The following POC1A variants were observed in gnomAD, a reference collection of about 807,000 sequenced individuals.
The protein encoded by POC1A is POC1 centriolar protein homolog A.
In POC1A, 34 loss-of-function variants were observed where a neutral mutation model predicts 47.8. The ratio of observed to expected loss-of-function variants is 0.71; its 90% confidence interval spans 0.54 to 0.95. POC1A has a LOEUF of 0.95. Ranked by LOEUF, POC1A falls within the 40% of genes least tolerant of loss-of-function variation. The pLI, the probability that POC1A is intolerant of heterozygous loss-of-function variation, is 0.00. For missense variants in POC1A, 466 were observed against 528.3 expected (o/e 0.88, Z 1.16); for synonymous variants, 177 against 207.6 (o/e 0.85, Z 1.27).
At chr3:52,127,707 T>A (rs1704061433) in intron 7 of POC1A, among the ~76,000 whole-genome samples, 1 of 151,758 alleles carries the variant, frequency 6.6e-6, no homozygotes, top group Non-Finnish European at 1.5e-5. Flanking sequence ...ACCTTTTTTT[T>A]TTTTTTGAGA....
chr3:52,147,830 CTT>C (rs1415201352), intron 4 of POC1A, among the ~76,000 whole-genome samples: 2 of 152,112 alleles, frequency 1.3e-5, no homozygotes, highest in African/African-American at 2.4e-5. Context: ...TCCTGTTGCT[CTT>C]GTTTTCGTTT....
chr3:52,151,610 CA>C (rs575884047), intron 1 of POC1A, among the ~76,000 whole-genome samples: 2,175 of 55,854 alleles, frequency 0.039, 29 homozygotes, highest in African/African-American at 0.12. Context: ...GACTCCGTCT[CA>C]AAAAAAAAAA....
At chr3:52,132,736 C>G (rs1407989425) in intron 7 of POC1A, among the ~76,000 whole-genome samples, 1 of 152,154 alleles carries the variant, frequency 6.6e-6, no homozygotes, top group Non-Finnish European at 1.5e-5. Context: ...TTGTCCCCAA[C>G]AAAATTGATA....
At chr3:52,092,651 T>A (rs985718746) in intron 10 of POC1A, among the ~76,000 whole-genome samples, 1 of 152,154 alleles carries the variant, frequency 6.6e-6, no homozygotes, top group Non-Finnish European at 1.5e-5. Flanking sequence ...CTGAGGACTT[T>A]TCATCTAAAA....
intron 9 of POC1A, among the ~76,000 whole-genome samples, chr3:52,106,862 C>T (rs1346213781): frequency 6.6e-6 from 1 of 152,258 alleles, no homozygotes; most frequent in Non-Finnish European, 1.5e-5. Flanking sequence ...AATCTGCTGA[C>T]TCCCCAGCCT....
chr3:52,141,806 C>A (rs1698202624), intron 6 of POC1A, among the ~76,000 whole-genome samples: 1 of 151,680 alleles, frequency 6.6e-6, no homozygotes, highest in Admixed American at 6.6e-5. Context: ...CTGGGAAATA[C>A]AGTGAGACCC....
chr3:52,123,769 T>C (rs1703890052), intron 8 of POC1A, among the ~76,000 whole-genome samples: 1 of 152,212 alleles, frequency 6.6e-6, no homozygotes, highest in African/African-American at 2.4e-5. Context: ...ACAGGAAGCC[T>C]GGGAGCTGAT....
chr3:52,077,050 T>TG (rs1419960630), intron 10 of POC1A, among the ~76,000 whole-genome samples: 4 of 152,250 alleles, frequency 2.6e-5, no homozygotes, highest in African/African-American at 9.6e-5. Context: ...ACTCATCACT[T>TG]GCGCGGGTTG....
At chr3:52,107,436 C>T (rs1346934223) in intron 9 of POC1A, among the ~76,000 whole-genome samples, 2 of 152,244 alleles carry the variant, frequency 1.3e-5, no homozygotes, top group African/African-American at 4.8e-5. Context: ...TCAGAAACCA[C>T]CACACAGGCA....
intron 9 of POC1A, among the ~76,000 whole-genome samples, chr3:52,120,950 G>A (rs886618008): frequency 2.0e-5 from 3 of 152,324 alleles, no homozygotes; most frequent in East Asian, 3.9e-4. Flanking sequence ...ACTCCCAAGC[G>A]GCAGATGTCA....
At position 52,125,294 on chromosome 3, in the gene POC1A, A is replaced by G. The variant is rs1030666785; in HGVS notation, c.814-113T>C. 4.4e-5 allele frequency: 35 copies of G among 798,296 alleles called. No individual in the cohort carries two copies. The African/African-American group carries it at 4.9e-4, about 11-fold the overall frequency. 49.5% of individuals were successfully genotyped at this position (798,296 alleles called of 1,614,324 possible). A position where few individuals can be genotyped will look rare whatever the true frequency, so the allele number is the denominator to read the frequency against. ...AGCAGCAGCAGGATAAAGGACCGAG[A>G]GCCCACTCAGCCCACAGTCCTCCGT... is the stretch of plus-strand genomic sequence containing the variant. On this transcript the variant is annotated intron_variant, in intron 7 of 10. Transcript: ENST00000296484.
intron 10 of POC1A, among the ~76,000 whole-genome samples, chr3:52,081,332 C>T (rs891884966): frequency 6.6e-6 from 1 of 152,150 alleles, no homozygotes; most frequent in African/African-American, 2.4e-5. Context: ...ATTTGCTGAC[C>T]CTTGCCCTCG....
chr3:52,134,583 G>A (rs1330273848), intron 7 of POC1A, among the ~76,000 whole-genome samples: 7 of 152,182 alleles, frequency 4.6e-5, no homozygotes, highest in Admixed American at 4.6e-4. Flanking sequence ...AGTGAGCTGA[G>A]ATCGCACCAC....
chr3:52,094,626 C>G (rs141870268), intron 10 of POC1A, among the ~76,000 whole-genome samples: 229 of 152,400 alleles, frequency 1.5e-3, no homozygotes, highest in African/African-American at 5.3e-3. Flanking sequence ...AAGGCCTCAA[C>G]TGGTGCTTCA....
intron 7 of POC1A, among the ~76,000 whole-genome samples, chr3:52,133,721 C>T (rs894799825): frequency 6.6e-6 from 1 of 152,170 alleles, no homozygotes; most frequent in Non-Finnish European, 1.5e-5. Context: ...AACAGCACTG[C>T]ACCCTGACCC....
intron 10 of POC1A, among the ~76,000 whole-genome samples, chr3:52,087,581 C>T (rs1052111777): frequency 6.6e-6 from 1 of 152,184 alleles, no homozygotes; most frequent in East Asian, 1.9e-4. Flanking sequence ...TCGGGAAGTA[C>T]ACGAAACACT....
intron 10 of POC1A, among the ~76,000 whole-genome samples, chr3:52,091,236 ATC>A (rs1460148281): frequency 6.6e-6 from 1 of 151,852 alleles, no homozygotes; most frequent in East Asian, 1.9e-4. Flanking sequence ...GAGGCGTGCG[ATC>A]TCTCAGTGGG....
chr3:52,109,694 G>A (rs1484158014), intron 9 of POC1A, among the ~76,000 whole-genome samples: 1 of 152,120 alleles, frequency 6.6e-6, no homozygotes, highest in Non-Finnish European at 1.5e-5. Context: ...GAAAGCCCCT[G>A]ATGGCAACGA....
intron 9 of POC1A, among the ~76,000 whole-genome samples, chr3:52,104,869 T>C (rs530763336): frequency 6.6e-6 from 1 of 152,312 alleles, no homozygotes; most frequent in Admixed American, 6.5e-5. Context: ...TGTACACAGC[T>C]TGGCAGTCAG....
Sources: allele counts gnomAD v4.1 joint callset (sites outside exome capture counted in the v4.1 genomes callset), GRCh38; gene constraint gnomAD v4.1.1; transcripts MANE v1.5; gene names NCBI Gene and HGNC (gene_info 2026-07-23, HGNC 2026-07-21).